Variants in CFAP299 observed in about 807,000 individuals in gnomAD.
CFAP299 encodes cilia and flagella associated protein 299.
Under a neutral mutation model 27.0 loss-of-function variants are expected in CFAP299, and 21 were observed. The observed-to-expected ratio is 0.78, with a 90% CI of 0.55 to 1.12. The LOEUF is 1.12. Among genes scored for constraint, CFAP299 ranks in the 50% most tolerant of loss-of-function variants. CFAP299 has a pLI of 0.00. For missense variants in CFAP299, 310 were observed against 276.6 expected (o/e 1.12, Z -0.86); for synonymous variants, 104 against 98.1 (o/e 1.06, Z -0.36).
At chr4:80,931,897 T>G (rs987768244) in intron 4 of CFAP299, among the ~76,000 whole-genome samples, 2 of 152,142 alleles carry the variant, frequency 1.3e-5, no homozygotes, top group Non-Finnish European at 2.9e-5. Context: ...TGTGGCTGCT[T>G]TTTCAACTGT....
At chr4:80,799,800 A>G (rs1728237139) in intron 3 of CFAP299, among the ~76,000 whole-genome samples, 1 of 35,682 alleles carries the variant, frequency 2.8e-5, no homozygotes, top group Non-Finnish European at 4.3e-5. Flanking sequence ...ATTATATTAT[A>G]TAATATATAA....
intron 3 of CFAP299, among the ~76,000 whole-genome samples, chr4:80,589,653 A>AG (rs1736623339): frequency 6.6e-6 from 1 of 152,226 alleles, no homozygotes; most frequent in African/African-American, 2.4e-5. Flanking sequence ...CAGCCAATTC[A>AG]GGGATGAGGA....
intron 3 of CFAP299, among the ~76,000 whole-genome samples, chr4:80,744,583 C>G (rs1380432019): frequency 6.7e-6 from 1 of 148,788 alleles, no homozygotes; most frequent in Admixed American, 6.7e-5. Context: ...TGATTTTCAT[C>G]TTTTTTTTTT....
chr4:80,793,142 A>T (rs141161475), intron 3 of CFAP299, among the ~76,000 whole-genome samples: 1 of 150,128 alleles, frequency 6.7e-6, no homozygotes, highest in East Asian at 2.0e-4. Context: ...GTAGTTTATT[A>T]AGTATTAACT....
chr4:80,797,372 C>A (rs1341241829), intron 3 of CFAP299, among the ~76,000 whole-genome samples: 3 of 151,992 alleles, frequency 2.0e-5, no homozygotes, highest in African/African-American at 7.2e-5. Context: ...GTCTTTTGTT[C>A]GTTTGACCTA....
intron 3 of CFAP299, among the ~76,000 whole-genome samples, chr4:80,704,011 C>A (rs1312125241): frequency 6.6e-6 from 1 of 151,440 alleles, no homozygotes; most frequent in Non-Finnish European, 1.5e-5. Context: ...TATTTTTTGC[C>A]TTTATGGATA....
At chr4:80,488,029 T>C (rs1018149028) in intron 2 of CFAP299, among the ~76,000 whole-genome samples, 3 of 152,186 alleles carry the variant, frequency 2.0e-5, no homozygotes, top group African/African-American at 7.2e-5. Context: ...ACAAATAGGC[T>C]TGATACCAAA....
At chr4:80,787,047 A>G (rs1047208875) in intron 3 of CFAP299, among the ~76,000 whole-genome samples, 2 of 151,860 alleles carry the variant, frequency 1.3e-5, no homozygotes, top group African/African-American at 2.4e-5. Context: ...TGATTAGAAA[A>G]TAATACTCTC....
At chr4:80,841,556 C>T (rs1459907913) in intron 3 of CFAP299, among the ~76,000 whole-genome samples, 1 of 151,944 alleles carries the variant, frequency 6.6e-6, no homozygotes, top group Non-Finnish European at 1.5e-5. Flanking sequence ...TTAAAAATTA[C>T]AAAATTACTA....
chr4:80,948,645 A>AAG (rs1306083940), intron 5 of CFAP299, among the ~76,000 whole-genome samples: 2 of 151,514 alleles, frequency 1.3e-5, no homozygotes, highest in Admixed American at 1.3e-4. Flanking sequence ...TAAGGCAAGA[A>AAG]AGAGAGAGAG....
chr4:80,677,365 T>C (rs1719528961), intron 3 of CFAP299, among the ~76,000 whole-genome samples: 1 of 152,040 alleles, frequency 6.6e-6, no homozygotes, highest in Non-Finnish European at 1.5e-5. Context: ...TTCTCCTACT[T>C]TCATACTCAG....
intron 3 of CFAP299, among the ~76,000 whole-genome samples, chr4:80,866,074 T>TATATATAA (rs1460193651): frequency 9.3e-6 from 1 of 107,602 alleles, no homozygotes; most frequent in Admixed American, 9.3e-5. Context: ...TATATATATA[T>TATATATAA]ATATATATAT....
intron 2 of CFAP299, among the ~76,000 whole-genome samples, chr4:80,504,861 A>G (rs1172861943): frequency 6.8e-6 from 1 of 147,982 alleles, no homozygotes; most frequent in Non-Finnish European, 1.5e-5. Context: ...AAAAACAGGT[A>G]GAGTATATAT....
intron 2 of CFAP299, among the ~76,000 whole-genome samples, chr4:80,480,309 T>C (rs1338195603): frequency 1.3e-5 from 2 of 151,932 alleles, no homozygotes; most frequent in Non-Finnish European, 2.9e-5. Context: ...TAGTGATTCA[T>C]GAATCAGGTA....
At chr4:80,386,257 G>T in intron 2 of CFAP299, 1 of 1,175,116 alleles carries the variant, frequency 8.5e-7, no homozygotes. Flanking sequence ...CCCCGCCAGA[G>T]CCAGGTTGGA....
intron 3 of CFAP299, among the ~76,000 whole-genome samples, chr4:80,681,906 A>G (rs1719867864): frequency 6.6e-6 from 1 of 152,158 alleles, no homozygotes; most frequent in Admixed American, 6.5e-5. Flanking sequence ...CAAGATCTAG[A>G]GCACTGTAAC....
intron 2 of CFAP299, among the ~76,000 whole-genome samples, chr4:80,447,857 A>C (rs1186036452): frequency 6.6e-6 from 1 of 152,130 alleles, no homozygotes; most frequent in Non-Finnish European, 1.5e-5. Flanking sequence ...TACTCTGGCC[A>C]GTTTAATCTT....
chr4:80,782,947 G>A (rs1727015202), intron 3 of CFAP299, among the ~76,000 whole-genome samples: 1 of 151,448 alleles, frequency 6.6e-6, no homozygotes, highest in Non-Finnish European at 1.5e-5. Context: ...CTTTTCAAAT[G>A]GCTTCAGACA....
chr4:80,661,895 G>A (rs1740869622), intron 3 of CFAP299, among the ~76,000 whole-genome samples: 1 of 152,178 alleles, frequency 6.6e-6, no homozygotes, highest in African/African-American at 2.4e-5. Context: ...GGCCGCTTTG[G>A]TGACAGCCGT....
Sources: allele counts gnomAD v4.1 joint callset (sites outside exome capture counted in the v4.1 genomes callset), GRCh38; gene constraint gnomAD v4.1.1; transcripts MANE v1.5; gene names NCBI Gene and HGNC (gene_info 2026-07-23, HGNC 2026-07-21).